TBX6: variants seen among roughly 807,000 people sequenced by gnomAD.
TBX6 encodes T-box transcription factor 6.
TBX6 carries 29 observed loss-of-function variants against 42.3 expected under a neutral mutation model. The ratio of observed to expected loss-of-function variants is 0.69; its 90% CI spans 0.51 to 0.93. The LOEUF (loss-of-function observed/expected upper bound fraction) is 0.93, where lower values mean the gene tolerates loss of function less well. Ranked by LOEUF, TBX6 falls within the 40% of genes least tolerant of loss-of-function variation. The pLI, the probability that TBX6 is intolerant of heterozygous loss-of-function variation, is 0.00. For synonymous variants in TBX6, 249 were observed against 245.1 expected (o/e 1.02, Z -0.15); for missense variants, 569 against 603.3 (o/e 0.94, Z 0.59).
Position 30,086,954 on chromosome 16 carries a change from C to T in TBX6, c.840-103G>A, listed in dbSNP as rs112857232. The T allele has an allele frequency of 1.5e-6, 2 of 1,328,344 alleles. No homozygotes were observed. Among genetic ancestry groups the T allele is most frequent in the Non-Finnish European group, 1.0e-6 (1 of 963,714 alleles). The allele number at this position is 1,328,344 out of a possible 1,614,324, so 82.3% of individuals were successfully genotyped here. On this transcript the variant is annotated intron_variant, in intron 6 of 8. Transcript: ENST00000395224. The surrounding 1 kb of genome is among the most constrained non-coding windows in gnomAD (Gnocchi z 4.6). The stretch of plus-strand genomic sequence containing the variant: ...CATTTCACCCTCCCAGGGACCCTGT[C>T]AGGTAGGGGCCATCATTATACCCAT...
rs1308097421 is a variant in TBX6, at chr16:30,086,478, C to T, written c.1097+34G>A. On this transcript the variant is annotated intron_variant, in intron 8 of 8. Transcript: ENST00000395224. This position sits in a 1 kb window ranked among gnomAD's most constrained non-coding sequence, Gnocchi z 4.6. ...GGGATGTCAGAGCAGGGCAGAGGGACCCGCAGCCCCGCCTGGTCCCCTGTC... is the reference window on the plus strand; with the variant it reads ...GGGATGTCAGAGCAGGGCAGAGGGATCCGCAGCCCCGCCTGGTCCCCTGTC... The T allele has an allele frequency of 2.7e-6, 4 of 1,483,992 alleles. 1 individual carries two copies. The highest frequency in any genetic ancestry group is 1.8e-6 in the Non-Finnish European group (2 of 1,120,652). The allele number at this position is 1,483,992 out of a possible 1,614,324, so 91.9% of individuals were successfully genotyped here. A position where few individuals can be genotyped will look rare whatever the true frequency, so the allele number is the denominator to read the frequency against.
chr16:30,091,036 C>G, intron 2 of TBX6, 40 bp downstream of exon 2: 1 of 1,595,032 alleles, frequency 6.3e-7, no homozygotes, highest in Non-Finnish European at 8.5e-7. Flanking sequence ...GGGCCACAGC[C>G]CCCCTATTCT....
chr16:30,086,550 A>T lies in TBX6; in HGVS notation c.1059T>A (p.Pro353=). ...GACTGGGGGCCCCATGGAAAGCCGC[A>T]GGGTGCAGGAGGTAGGCCTCAGCAC... ...GPSAEAYLLH[P]AAFHGAPSHL... Residue 353 remains proline (P), a synonymous_variant, in exon 8 of 9, where the codon CCT becomes CCA. Coordinates refer to ENST00000395224, the MANE Select transcript of TBX6 (RefSeq NM_004608.4). This position sits in a 1 kb window ranked among gnomAD's most constrained non-coding sequence, Gnocchi z 4.6. 6.6e-7 allele frequency: 1 copy of T among 1,524,002 alleles called. No homozygotes were observed. Among genetic ancestry groups the T allele is most frequent in the Non-Finnish European group, 8.8e-7 (1 of 1,140,170 alleles). 94.4% of individuals were successfully genotyped at this position (1,524,002 alleles called of 1,614,324 possible).
intron 3 of TBX6, among the ~76,000 whole-genome samples, chr16:30,089,916 G>A (rs1308689853): frequency 1.7e-5 from 2 of 119,020 alleles, no homozygotes; most frequent in Non-Finnish European, 3.2e-5. Flanking sequence ...CTGGGCAACA[G>A]AGCGAGACTC....
intron 6 of TBX6, among the ~76,000 whole-genome samples, chr16:30,087,280 G>A (rs1354550711): frequency 6.6e-6 from 1 of 152,060 alleles, no homozygotes; most frequent in East Asian, 1.9e-4. Flanking sequence ...CTGGAGTGCA[G>A]TGGCACAGTC....
chr16:30,086,720 G>T lies in TBX6; in HGVS notation c.914-25C>A. 6.2e-7 allele frequency: 1 copy of T among 1,612,808 alleles called. No homozygotes were observed. Among genetic ancestry groups the T allele is most frequent in the East Asian group, 2.2e-5 (1 of 44,820 alleles). ...TCTGGGGAGAGGGAAGGGAGAGGTT[G>T]GGCTAGGGAGGATCCCTGTCTCAGG... On this transcript the variant is annotated intron_variant, in intron 7 of 8. Transcript: ENST00000395224. This position sits in a 1 kb window ranked among gnomAD's most constrained non-coding sequence, Gnocchi z 4.6.
At chr16:30,090,667 C>T (rs1170137052) in intron 3 of TBX6, 91 bp downstream of exon 3, 3 of 1,332,048 alleles carry the variant, frequency 2.3e-6, no homozygotes, top group Non-Finnish European at 3.1e-6. Flanking sequence ...TCTAGCCCCT[C>T]GGGAACCACC....
In TBX6 at chr16:30,091,232, G is replaced by A. The variant is rs1567343378; in HGVS notation, c.-39C>T. 6.8e-7 allele frequency: 1 copy of A among 1,470,082 alleles called. No individual in the cohort carries two copies. Among genetic ancestry groups the A allele is most frequent in the South Asian group, 1.3e-5 (1 of 74,510 alleles). The allele number at this position is 1,470,082 out of a possible 1,614,324, so 91.1% of individuals were successfully genotyped here. A position where few individuals can be genotyped will look rare whatever the true frequency, so the allele number is the denominator to read the frequency against. ...CTGGCCTCAGGTCTCGCTGCTTAGG[G>A]CCCCCGGTGCTGCGAGATGCCCCCT... On this transcript the variant is annotated 5_prime_UTR_variant, in exon 2 of 9. Coordinates refer to ENST00000395224, the MANE Select transcript of TBX6 (RefSeq NM_004608.4).
rs2072710485 is a variant in TBX6 at position 30,090,847 on chromosome 16, G to C, written c.264C>G (p.Leu88=). 1 of 1,605,006 alleles carries C rather than the reference G, an allele frequency of 6.2e-7. No individual in the cohort carries two copies. The highest frequency in any genetic ancestry group is 2.2e-5 in the East Asian group (1 of 44,798). ...APSAPEALHS[L]PGVSLSLENR... ...TCTCCAGGCTCAGGCTGACCCCCGGGAGGGAATGGAGGGCCTCTGGAGCTG... is the reference window on the plus strand; with the variant it reads ...TCTCCAGGCTCAGGCTGACCCCCGGCAGGGAATGGAGGGCCTCTGGAGCTG... Residue 88 remains leucine (L), a synonymous_variant, in exon 3 of 9, where the codon CTC becomes CTG. Transcript: ENST00000395224.
In TBX6 at chr16:30,089,017, C is replaced by T. The variant is rs1248372590; in HGVS notation, c.547G>A (p.Ala183Thr). The T allele has an allele frequency of 6.2e-7, 1 of 1,614,038 alleles. No homozygotes were observed. ...GACACAGGCTGCCGCATCCAATGTG[C>T]ACCAGTGGCAGGAGAGTCGGGGTGA... ...YIHPDSPATG[A>T]HWMRQPVSFH... is the part of the protein sequence containing the mutation. Residue 183 changes from alanine to threonine, a missense_variant, in exon 4 of 9, where the codon GCA becomes ACA. Coordinates refer to ENST00000395224, the MANE Select transcript of TBX6 (RefSeq NM_004608.4).
In TBX6 at chr16:30,086,178, A is replaced by G; in HGVS notation, c.*47T>C. The G allele has an allele frequency of 1.3e-6, 2 of 1,583,408 alleles. No homozygotes were observed. The highest frequency in any genetic ancestry group is 2.3e-5 in the East Asian group (1 of 43,172). On this transcript the variant is annotated 3_prime_UTR_variant, in exon 9 of 9. Coordinates refer to ENST00000395224, the MANE Select transcript of TBX6 (RefSeq NM_004608.4). The surrounding 1 kb of genome is among the most constrained non-coding windows in gnomAD (Gnocchi z 4.6). ...GGTGAGGGGGCTCCAGGGCTGGGGG[A>G]AGGGAGCGGGAGGTTTGTGATGGAG...
chr16:30,090,988 C>T lies in TBX6; in HGVS notation c.123G>A (p.Leu41=). The T allele has an allele frequency of 6.2e-7, 1 of 1,612,838 alleles. No homozygotes were observed. Among genetic ancestry groups the T allele is most frequent in the South Asian group, 1.1e-5 (1 of 90,964 alleles). ...ALAEGYRYPE[L]DTPKLDCFLS... ...GGAAGCAATCCAGTTTAGGGGTGTC[C>T]AGTTCTGGAAGCCGGGGAAGAATGA... is the stretch of plus-strand genomic sequence containing the variant. Residue 41 remains leucine (L), a synonymous_variant, in exon 3 of 9, where the codon CTG becomes CTA. Transcript: ENST00000395224.
chr16:30,088,938 C>T lies in TBX6; in HGVS notation c.621+5G>A, dbSNP rs752771664. On this transcript the variant is annotated splice_donor_5th_base_variant and intron_variant, in intron 4 of 8. Transcript: ENST00000395224. The surrounding 1 kb of genome is among the most constrained non-coding windows in gnomAD (Gnocchi z 4.1). Reference sequence around the variant, plus strand: ...CCTATCCTGGAGTCCCAGCCTGGGCCTCACGTGGCCGTGGGGGTCCAGCGT... The same window carrying T: ...CCTATCCTGGAGTCCCAGCCTGGGCTTCACGTGGCCGTGGGGGTCCAGCGT... 6.2e-7 allele frequency: 1 copy of T among 1,604,766 alleles called. No individual in the cohort carries two copies. The highest frequency in any genetic ancestry group is 8.5e-7 in the Non-Finnish European group (1 of 1,172,942).
Position 30,085,929 on chromosome 16 carries a change from T to G in TBX6, c.*296A>C. On this transcript the variant is annotated 3_prime_UTR_variant, in exon 9 of 9. Transcript: ENST00000395224. Reference sequence around the variant, plus strand: ...CTCCAGAGCCCATGGGGAGGCCTGGTAAGTGGGGATGCTGGTCTGTGGCCC... The same window carrying G: ...CTCCAGAGCCCATGGGGAGGCCTGGGAAGTGGGGATGCTGGTCTGTGGCCC... 9.8e-6 allele frequency: 4 copies of G among 406,968 alleles called. No homozygotes were observed. The highest frequency in any genetic ancestry group is 6.0e-5 in the East Asian group (1 of 16,736). The allele number at this position is 406,968 out of a possible 1,614,324, so 25.2% of individuals were successfully genotyped here.
chr16:30,089,587 A>G (rs1334425453), intron 3 of TBX6, among the ~76,000 whole-genome samples: 1 of 152,090 alleles, frequency 6.6e-6, no homozygotes, highest in African/African-American at 2.4e-5. Flanking sequence ...GTGAGCCACA[A>G]TTGCACCACT....
At position 30,088,131 on chromosome 16, in the gene TBX6, G is replaced by T. The variant is rs1320860795; in HGVS notation, c.839+414C>A. 1.2e-5 allele frequency: 3 copies of T among 250,718 alleles called. No individual in the cohort carries two copies. The highest frequency in any genetic ancestry group is 2.4e-5 in the Non-Finnish European group (3 of 124,978). 15.5% of individuals were successfully genotyped at this position (250,718 alleles called of 1,614,324 possible). A position where few individuals can be genotyped will look rare whatever the true frequency, so the allele number is the denominator to read the frequency against. ...TTTTTGTATTTTTAGCAGAGACAGGGTTTCACCATGTTGGCAGGCTGGTCT... is the reference window on the plus strand; with the variant it reads ...TTTTTGTATTTTTAGCAGAGACAGGTTTTCACCATGTTGGCAGGCTGGTCT... On this transcript the variant is annotated intron_variant, in intron 6 of 8. Coordinates refer to ENST00000395224, the MANE Select transcript of TBX6 (RefSeq NM_004608.4). The surrounding 1 kb of genome is among the most constrained non-coding windows in gnomAD (Gnocchi z 4.1).
In TBX6 at chr16:30,086,163, C is replaced by T; in HGVS notation, c.*62G>A. 3 of 1,566,090 alleles carry T rather than the reference C, an allele frequency of 1.9e-6. No individual in the cohort carries two copies. Among genetic ancestry groups the T allele is most frequent in the Non-Finnish European group, 2.6e-6 (3 of 1,155,570 alleles). ...GATGGGGCCGGTGGAGGTGAGGGGGCTCCAGGGCTGGGGGAAGGGAGCGGG... is the reference window on the plus strand; with the variant it reads ...GATGGGGCCGGTGGAGGTGAGGGGGTTCCAGGGCTGGGGGAAGGGAGCGGG... On this transcript the variant is annotated 3_prime_UTR_variant, in exon 9 of 9. Coordinates refer to ENST00000395224, the MANE Select transcript of TBX6 (RefSeq NM_004608.4). This position sits in a 1 kb window ranked among gnomAD's most constrained non-coding sequence, Gnocchi z 4.6.
rs2072666558 is a variant in TBX6, at chr16:30,088,015, T to G, written c.839+530A>C. Reference sequence around the variant, plus strand: ...ATGCAATGGCATGATCTCGACTCACTGCAACCTCCACCTCCTGGGTTCAAG... The same window carrying G: ...ATGCAATGGCATGATCTCGACTCACGGCAACCTCCACCTCCTGGGTTCAAG... On this transcript the variant is annotated intron_variant, in intron 6 of 8. Coordinates refer to ENST00000395224, the MANE Select transcript of TBX6 (RefSeq NM_004608.4). This position sits in a 1 kb window ranked among gnomAD's most constrained non-coding sequence, Gnocchi z 4.1. 1 of 155,144 alleles carries G rather than the reference T, an allele frequency of 6.4e-6. No individual in the cohort carries two copies. The highest frequency in any genetic ancestry group is 1.4e-5 in the Non-Finnish European group (1 of 72,372). The allele number at this position is 155,144 out of a possible 1,614,324, so 9.6% of individuals were successfully genotyped here. A position where few individuals can be genotyped will look rare whatever the true frequency, so the allele number is the denominator to read the frequency against.
At position 30,088,642 on chromosome 16, in the gene TBX6, C is replaced by T; in HGVS notation, c.769-27G>A. Reference sequence around the variant, plus strand: ...TGGGGACACACATGCAGGGTCAAAGCAACTGCGGTCTGGGCAGGGGGCCAC... The same window carrying T: ...TGGGGACACACATGCAGGGTCAAAGTAACTGCGGTCTGGGCAGGGGGCCAC... On this transcript the variant is annotated intron_variant, in intron 5 of 8. Transcript: ENST00000395224. The surrounding 1 kb of genome is among the most constrained non-coding windows in gnomAD (Gnocchi z 4.1). The T allele has an allele frequency of 6.2e-7, 1 of 1,614,110 alleles. No individual in the cohort carries two copies. Among genetic ancestry groups the T allele is most frequent in the South Asian group, 1.1e-5 (1 of 91,078 alleles).
Sources: gnomAD v4.1 joint callset for allele counts (sites outside exome capture counted in the v4.1 genomes callset) on GRCh38, gnomAD v4.1.1 for gene constraint, Gnocchi (gnomAD v3.1) non-coding constraint, MANE v1.5 for transcripts, NCBI Gene and HGNC (gene_info 2026-07-23, HGNC 2026-07-21) for gene names.